The following ORC1 variants were observed in gnomAD, a reference collection of about 807,000 sequenced individuals.
ORC1 encodes origin recognition complex subunit 1, also known as origin recognition complex, subunit 1 homolog.
A neutral mutation model predicts 98.9 loss-of-function variants in ORC1; 61 were observed. The ratio of observed to expected loss-of-function variants is 0.62; its 90% confidence interval spans 0.50 to 0.76. The LOEUF (loss-of-function observed/expected upper bound fraction) is 0.76, where lower values mean the gene tolerates loss of function less well. ORC1 is among the 30% of genes least tolerant of loss of function. The pLI is 0.00. For synonymous variants in ORC1, 385 were observed against 406.9 expected, an observed-to-expected ratio of 0.95 and a Z score of 0.65; for missense variants, 979 against 1,072.2, an observed-to-expected ratio of 0.91 and a Z score of 1.21.
At position 52,393,817 on chromosome 1, in the gene ORC1, T is replaced by A; in HGVS notation, c.722-14A>T. ...GGTTACCTAAGTCTAAGAGAAATCATCACAATGTGTAAATTTTTTACCTAA... is the reference window on the plus strand; with the variant it reads ...GGTTACCTAAGTCTAAGAGAAATCAACACAATGTGTAAATTTTTTACCTAA... On this transcript the variant is annotated splice_polypyrimidine_tract_variant and intron_variant, in intron 5 of 16. Transcript: ENST00000371568. 6.2e-7 allele frequency: 1 copy of A among 1,610,242 alleles called. No individual in the cohort carries two copies. The highest frequency in any genetic ancestry group is 8.5e-7 in the Non-Finnish European group (1 of 1,179,938).
intron 6 of ORC1, among the ~76,000 whole-genome samples, chr1:52,390,445 G>T (rs1647193509): frequency 6.6e-6 from 1 of 152,182 alleles, no homozygotes; most frequent in Admixed American, 6.5e-5. Context: ...CATAAAGTGG[G>T]AAAAGGACAC....
chr1:52,382,750 T>G (rs1416285275), intron 13 of ORC1, among the ~76,000 whole-genome samples: 1 of 151,950 alleles, frequency 6.6e-6, no homozygotes, highest in Non-Finnish European at 1.5e-5. Context: ...TGGCTAATTT[T>G]TGTCTGTTTA....
At chr1:52,395,615 C>T (rs911147310) in intron 5 of ORC1, among the ~76,000 whole-genome samples, 3 of 152,158 alleles carry the variant, frequency 2.0e-5, no homozygotes, top group African/African-American at 7.2e-5. Context: ...GACTTTGAGA[C>T]CAGCCTGGGC....
At chr1:52,405,858 A>G (rs1369792400), upstream of ORC1, 2 of 1,607,630 alleles carry the variant, frequency 1.2e-6, no homozygotes, top group South Asian at 1.1e-5. Flanking sequence ...AATGTTCACT[A>G]GCTAATATAA....
upstream of ORC1, among the ~76,000 whole-genome samples, chr1:52,406,152 C>A (rs1171975399): frequency 6.6e-6 from 1 of 152,078 alleles, no homozygotes; most frequent in Non-Finnish European, 1.5e-5. Context: ...TCACGCCTGG[C>A]TAATTTTTGT....
chr1:52,374,862 G>C lies in ORC1; in HGVS notation c.2339C>G (p.Ala780Gly), dbSNP rs781041817. The change falls in exon 16 of 17, where the codon GCC becomes GGC. Residue 780 changes from alanine (A) to glycine (G), a missense_variant. Ala to Gly is a moderately conservative substitution (Grantham distance 60, BLOSUM62 0). Transcript: ENST00000371568. Reference protein sequence around the residue: ...SSVLEQSFLRAILAEFRRSGL... With the variant: ...SSVLEQSFLRGILAEFRRSGL... The stretch of plus-strand genomic sequence containing the variant: ...TGATCGACGGAACTCTGCGAGGATG[G>C]CTCTCAGGAAGCTCTGTTCCAGAAC... The C allele has an allele frequency of 6.2e-7, 1 of 1,613,800 alleles. No homozygotes were observed. Among genetic ancestry groups the C allele is most frequent in the Non-Finnish European group, 8.5e-7 (1 of 1,179,692 alleles).
rs77077945 is a variant in ORC1, at chr1:52,373,340, C to T, written c.2427G>A (p.Glu809=). ...YSQHVALCRM[E]GLPYPTMSET... Reference sequence around the variant, plus strand: ...CTGACATGGTGGGGTACGGCAGTCCCTCCATTCTGCACAGTGCCACATGTT... The same window carrying T: ...CTGACATGGTGGGGTACGGCAGTCCTTCCATTCTGCACAGTGCCACATGTT... Residue 809 remains glutamate (E), a synonymous_variant, in exon 17 of 17, where the codon GAG becomes GAA. Coordinates refer to ENST00000371568, the MANE Select transcript of ORC1 (RefSeq NM_004153.4). 5.9e-3 allele frequency: 9,511 copies of T among 1,614,146 alleles called. 151 individuals are homozygous for T. Among genetic ancestry groups the T allele is most frequent in the South Asian group, 0.042 (3,805 of 91,084 alleles).
chr1:52,374,683 C>G, intron 16 of ORC1, 127 bp downstream of exon 16: 1 of 720,148 alleles, frequency 1.4e-6, no homozygotes, highest in South Asian at 1.5e-5. Context: ...AAATAGGTGC[C>G]GGTCTGGTAT....
intron 6 of ORC1, among the ~76,000 whole-genome samples, chr1:52,392,877 A>G (rs1319447941): frequency 6.6e-6 from 1 of 152,194 alleles, no homozygotes; most frequent in Non-Finnish European, 1.5e-5. Context: ...AGGCATAAGA[A>G]TGATATAAGG....
chr1:52,404,932 T>C (rs540824842), upstream of ORC1: 1 of 1,598,084 alleles, frequency 6.3e-7, no homozygotes, highest in African/African-American at 1.3e-5. Context: ...CCATTTCTCC[T>C]GACCGAGCGC....
upstream of ORC1, among the ~76,000 whole-genome samples, chr1:52,405,048 T>C (rs1050369882): frequency 3.9e-5 from 6 of 152,202 alleles, no homozygotes; most frequent in Non-Finnish European, 8.8e-5. Flanking sequence ...GTGTTGAGTA[T>C]TAGAGGCACA....
intron 6 of ORC1, among the ~76,000 whole-genome samples, chr1:52,393,193 C>T (rs1001830387): frequency 6.6e-6 from 1 of 152,126 alleles, no homozygotes; most frequent in Non-Finnish European, 1.5e-5. Context: ...AGCAATGATC[C>T]CCAAATAACA....
intron 4 of ORC1, 122 bp downstream of exon 4, chr1:52,397,563 T>C: frequency 2.2e-6 from 2 of 903,424 alleles, no homozygotes; most frequent in Non-Finnish European, 3.7e-6. Context: ...GCACAGAAGA[T>C]GACAGGAAAT....
upstream of ORC1, chr1:52,408,651 A>G (rs750549528): frequency 3.1e-6 from 5 of 1,614,096 alleles, no homozygotes; most frequent in East Asian, 2.2e-5. Context: ...ACCTTTGTAC[A>G]ATGACTATCG....
Position 52,373,214 on chromosome 1 carries a change from C to T in ORC1, c.2553G>A (p.Gln851=). The T allele has an allele frequency of 1.2e-6, 2 of 1,614,216 alleles. No homozygotes were observed. The highest frequency in any genetic ancestry group is 1.7e-6 in the Non-Finnish European group (2 of 1,180,034). The change falls in exon 17 of 17, where the codon CAG becomes CAA. Residue 851 remains glutamine (Q), a synonymous_variant. Coordinates refer to ENST00000371568, the MANE Select transcript of ORC1 (RefSeq NM_004153.4). ...CTTTCAGCGCATACAGCACATCATC[C>T]TGGCTGACGTTGAGCCGCACCCGAA... is the stretch of plus-strand genomic sequence containing the variant. The part of the protein sequence containing the change: ...LLLRVRLNVS[Q]DDVLYALKDE
In ORC1 at chr1:52,400,737, C is replaced by T. The variant is rs554360151; in HGVS notation, c.223+625G>A. ...AGGTCAGCAAATCAGCTAAGGCTTT[C>T]GATGTGGGCTTGTAGGCTCTGGTTG... On this transcript the variant is annotated intron_variant, in intron 3 of 16. Transcript: ENST00000371568. 3.3e-5 allele frequency among the ~76,000 whole-genome samples: 5 copies of T among 152,294 alleles called. No homozygotes were observed. The East Asian group carries it at 7.7e-4, about 24-fold the overall frequency.
At chr1:52,376,943 C>T (rs1027277382) in intron 14 of ORC1, among the ~76,000 whole-genome samples, 2 of 152,138 alleles carry the variant, frequency 1.3e-5, no homozygotes, top group East Asian at 3.9e-4. Flanking sequence ...ACCCATCACG[C>T]AGAACGGATG....
chr1:52,377,199 T>C (rs1045530642), intron 14 of ORC1, among the ~76,000 whole-genome samples: 8 of 152,072 alleles, frequency 5.3e-5, no homozygotes, highest in African/African-American at 1.7e-4. Context: ...ATTTTTTGTA[T>C]TTTTAGTAGA....
chr1:52,402,402 G>A (rs1352407209), intron 1 of ORC1, among the ~76,000 whole-genome samples, 174 bp from the exon 2 acceptor site: 2 of 152,170 alleles, frequency 1.3e-5, no homozygotes, highest in African/African-American at 4.8e-5. Flanking sequence ...CATGGTCTAC[G>A]AAGATTACAC....
Sources: gnomAD v4.1 joint callset for allele counts (sites outside exome capture counted in the v4.1 genomes callset) on GRCh38, gnomAD v4.1.1 for gene constraint, MANE v1.5 for transcripts, NCBI Gene and HGNC (gene_info 2026-07-23, HGNC 2026-07-21) for gene names.